BLM: variants seen among roughly 807,000 people sequenced by gnomAD.
The protein encoded by BLM is recQ-like DNA helicase BLM.
A neutral mutation model predicts 135.3 loss-of-function variants in BLM; 95 were observed. That is an observed-to-expected ratio of 0.70 (90% CI 0.59 to 0.83). BLM has a LOEUF of 0.83. BLM is among the 40% of genes least tolerant of loss of function. BLM has a pLI of 0.00. For missense variants in BLM, 1,518 were observed against 1,663.9 expected (o/e 0.91, Z 1.53); for synonymous variants, 520 against 589.2 (o/e 0.88, Z 1.70).
At position 90,749,967 on chromosome 15, in the gene BLM, C is replaced by T. The variant is rs200125311; in HGVS notation, c.699C>T (p.Ser233=). 8 of 1,614,030 alleles carry T rather than the reference C, an allele frequency of 5.0e-6. No homozygotes were observed. The highest frequency in any genetic ancestry group is 1.7e-5 in the Admixed American group (1 of 60,000). ...AGGATGACTCAGAATGGTTAAGCAG[C>T]GATGTGATTTGCATCGATGATGGCC... The part of the protein sequence containing the change: ...EQKDDSEWLS[S]DVICIDDGPI... The change falls in exon 3 of 22, where the codon AGC becomes AGT. Residue 233 remains serine (S), a synonymous_variant. Transcript: ENST00000355112.
chr15:90,800,510 G>A (rs1897138425), intron 17 of BLM, among the ~76,000 whole-genome samples: 1 of 152,052 alleles, frequency 6.6e-6, no homozygotes, highest in African/African-American at 2.4e-5. Flanking sequence ...GAGAAACTCC[G>A]TCTCTACTAA....
In BLM at chr15:90,794,174, AG is replaced by A. The variant is rs780379121; in HGVS notation, c.3028del (p.Asp1010MetfsTer24). 5.6e-6 allele frequency: 9 copies of A among 1,599,500 alleles called. No homozygotes were observed. Among genetic ancestry groups the A allele is most frequent in the Non-Finnish European group, 7.7e-6 (9 of 1,169,992 alleles). ...AGTCTTCATCTCTTTTAGTGGAAAA[AG>A]ATGGAAACCATCATACAAGAGAAAC... ...RLKRLIMMEK[D>X]GNHHTRETHF... On this transcript the variant is annotated frameshift_variant, in exon 16 of 22. Coordinates refer to ENST00000355112, the MANE Select transcript of BLM (RefSeq NM_000057.4). LOFTEE classifies it high-confidence loss of function.
chr15:90,758,028 T>C (rs944304584), intron 5 of BLM, among the ~76,000 whole-genome samples: 1 of 151,870 alleles, frequency 6.6e-6, no homozygotes, highest in Non-Finnish European at 1.5e-5. Flanking sequence ...ACTACAGGCA[T>C]GCACCACTAT....
intron 7 of BLM, chr15:90,762,538 C>CGCCGT: frequency 1.0e-5 from 2 of 190,956 alleles, no homozygotes; most frequent in Non-Finnish European, 2.2e-5. Flanking sequence ...GCACACGGGT[C>CGCCGT]ATGTTTAAGA....
At chr15:90,740,861 T>C (rs975867473) in intron 1 of BLM, among the ~76,000 whole-genome samples, 2 of 152,234 alleles carry the variant, frequency 1.3e-5, no homozygotes. Context: ...TCCTTTGCCT[T>C]CTGCCATGAT....
chr15:90,768,131 T>TG (rs1305603383), intron 10 of BLM, among the ~76,000 whole-genome samples: 1 of 151,894 alleles, frequency 6.6e-6, no homozygotes, highest in Non-Finnish European at 1.5e-5. Flanking sequence ...TTAGTAGAGA[T>TG]GGGGTTTCAC....
chr15:90,766,256 G>T (rs566889380), intron 9 of BLM, among the ~76,000 whole-genome samples: 1 of 151,940 alleles, frequency 6.6e-6, no homozygotes, highest in East Asian at 1.9e-4. Context: ...CCCCTTCATT[G>T]TCATTAATCT....
chr15:90,760,100 T>C (rs1895928264), intron 5 of BLM, 47 bp from the exon 6 acceptor site: 1 of 1,574,350 alleles, frequency 6.4e-7, no homozygotes, highest in Admixed American at 1.7e-5. Flanking sequence ...CAAGACTTTT[T>C]TTTTTTTCCC....
chr15:90,767,562 C>G (rs1896168408), intron 10 of BLM, among the ~76,000 whole-genome samples: 2 of 152,192 alleles, frequency 1.3e-5, no homozygotes, highest in South Asian at 4.1e-4. Context: ...CTTGCTTCCT[C>G]CTGCTTAGAT....
chr15:90,760,284 C>G lies in BLM; in HGVS notation c.1220+5C>G, dbSNP rs1596229075. 10 of 1,613,842 alleles carry G rather than the reference C, an allele frequency of 6.2e-6. No individual in the cohort carries two copies. The highest frequency in any genetic ancestry group is 1.3e-5 in the African/African-American group (1 of 74,888). On this transcript the variant is annotated splice_donor_5th_base_variant and intron_variant, in intron 6 of 21. Transcript: ENST00000355112. Reference sequence around the variant, plus strand: ...GCTTCAGCAGCGGAACATAAGGTATCTTAATTTTCCCCCTTCTGGAATATA... The same window carrying G: ...GCTTCAGCAGCGGAACATAAGGTATGTTAATTTTCCCCCTTCTGGAATATA...
At chr15:90,739,777 T>G (rs188777243) in intron 1 of BLM, among the ~76,000 whole-genome samples, 9 of 152,258 alleles carry the variant, frequency 5.9e-5, no homozygotes, top group Admixed American at 5.9e-4. Context: ...TATTTGTTTA[T>G]TTTTTTGAGA....
rs534239908 is a variant in BLM, at chr15:90,759,461, C to A, written c.1088-686C>A. 2.0e-5 allele frequency among the ~76,000 whole-genome samples: 3 copies of A among 151,700 alleles called. No homozygotes were observed. The South Asian group carries it at 6.2e-4, about 32-fold the overall frequency. Reference sequence around the variant, plus strand: ...TGTGTTGTGTTGCTGGGCACAGTGGCATAGGCCTGTAGTCTCACCTACTTG... The same window carrying A: ...TGTGTTGTGTTGCTGGGCACAGTGGAATAGGCCTGTAGTCTCACCTACTTG... On this transcript the variant is annotated intron_variant, in intron 5 of 21. Coordinates refer to ENST00000355112, the MANE Select transcript of BLM (RefSeq NM_000057.4).
intron 12 of BLM, among the ~76,000 whole-genome samples, chr15:90,779,579 C>T (rs1484998126): frequency 2.0e-5 from 3 of 152,150 alleles, no homozygotes; most frequent in African/African-American, 7.2e-5. Context: ...CCTTTTCAAG[C>T]ACTAAAAGGA....
chr15:90,729,033 C>T (rs541819201), intron 1 of BLM, among the ~76,000 whole-genome samples: 4 of 151,856 alleles, frequency 2.6e-5, no homozygotes, highest in Admixed American at 6.6e-5. Context: ...ATAACAATAA[C>T]ACACGGTAGC....
intron 13 of BLM, among the ~76,000 whole-genome samples, chr15:90,784,199 TTTTG>T (rs1225686902): frequency 2.6e-5 from 4 of 152,152 alleles, no homozygotes; most frequent in Admixed American, 6.5e-5. Flanking sequence ...GAAGTAAAAC[TTTTG>T]TTTATGTCCT....
At chr15:90,807,268 G>T (rs1399343627) in intron 19 of BLM, among the ~76,000 whole-genome samples, 2 of 152,244 alleles carry the variant, frequency 1.3e-5, no homozygotes, top group Admixed American at 6.5e-5. Flanking sequence ...TAACAAAAAT[G>T]TAGTGCGGCC....
intron 8 of BLM, among the ~76,000 whole-genome samples, chr15:90,764,565 T>C (rs2151161831): frequency 6.6e-6 from 1 of 151,938 alleles, no homozygotes; most frequent in South Asian, 2.1e-4. Context: ...CCCAAGTTGA[T>C]CTCAAATTCC....
At chr15:90,739,832 C>A (rs1895317721) in intron 1 of BLM, among the ~76,000 whole-genome samples, 1 of 152,110 alleles carries the variant, frequency 6.6e-6, no homozygotes, top group Non-Finnish European at 1.5e-5. Flanking sequence ...GTGGTGCAAT[C>A]ACAGCTCACT....
intron 6 of BLM, 34 bp from the exon 7 acceptor site, chr15:90,760,560 A>G: frequency 1.3e-6 from 2 of 1,577,436 alleles, no homozygotes; most frequent in Non-Finnish European, 8.6e-7. Flanking sequence ...TAAACTACTT[A>G]TATTTAATAC....
Sources: gnomAD v4.1 joint callset for allele counts (sites outside exome capture counted in the v4.1 genomes callset) on GRCh38, gnomAD v4.1.1 for gene constraint, MANE v1.5 for transcripts, NCBI Gene and HGNC (gene_info 2026-07-23, HGNC 2026-07-21) for gene names.